CNNM2: variants seen among roughly 807,000 people sequenced by gnomAD.
The protein encoded by CNNM2 is metal transporter CNNM2.
In CNNM2, 12 loss-of-function variants were observed where a neutral mutation model predicts 66.9. The observed-to-expected ratio is 0.18, with a 90% CI of 0.11 to 0.29. CNNM2 has a LOEUF of 0.29. CNNM2 is among the 10% of genes least tolerant of loss of function. CNNM2 has a pLI of 1.00. For synonymous variants in CNNM2, 557 were observed against 501.8 expected, an observed-to-expected ratio of 1.11 and a Z score of -1.47; for missense variants, 705 against 1,167.7, an observed-to-expected ratio of 0.60 and a Z score of 5.77.
intron 1 of CNNM2, among the ~76,000 whole-genome samples, chr10:102,976,524 C>T (rs1279892902): frequency 7.2e-6 from 1 of 138,722 alleles, no homozygotes; most frequent in African/African-American, 2.7e-5. Context: ...CAGCTTACTG[C>T]AACCTCCGCC....
chr10:102,973,524 T>G (rs1209607647), intron 1 of CNNM2, among the ~76,000 whole-genome samples: 2 of 151,706 alleles, frequency 1.3e-5, no homozygotes, highest in African/African-American at 4.8e-5. Context: ...GTGTGTTTTT[T>G]TTTTTTTTGG....
At chr10:102,951,178 C>T (rs1454195662) in intron 1 of CNNM2, among the ~76,000 whole-genome samples, 1 of 151,484 alleles carries the variant, frequency 6.6e-6, no homozygotes, top group Non-Finnish European at 1.5e-5. Context: ...TTAGTAGAGA[C>T]AGAGTTTTAC....
rs779866075 is a variant in CNNM2 at position 102,918,467 on chromosome 10, G to A, written c.-14G>A. 1 of 1,601,754 alleles carries A rather than the reference G, an allele frequency of 6.2e-7. No homozygotes were observed. The highest frequency in any genetic ancestry group is 1.1e-5 in the South Asian group (1 of 89,282). On this transcript the variant is annotated 5_prime_UTR_variant, in exon 1 of 8. Coordinates refer to ENST00000369878, the MANE Select transcript of CNNM2 (RefSeq NM_017649.5). The surrounding 1 kb of genome is among the most constrained non-coding windows in gnomAD (Gnocchi z 4.1). ...GGGTTGAAAGGATGAAGCCGCAGCT[G>A]GAGCAGCCACCCTATGATTGGCTGT...
At chr10:102,945,879 A>C (rs967724713) in intron 1 of CNNM2, among the ~76,000 whole-genome samples, 1 of 151,026 alleles carries the variant, frequency 6.6e-6, no homozygotes, top group African/African-American at 2.4e-5. Flanking sequence ...AATTTTGTTT[A>C]GTTTGCCTTG....
At chr10:103,051,667 G>C (rs1457996531) in intron 2 of CNNM2, among the ~76,000 whole-genome samples, 1 of 151,912 alleles carries the variant, frequency 6.6e-6, no homozygotes, top group East Asian at 1.9e-4. Context: ...TTGAACCCAG[G>C]AGGTGGAGGT....
At chr10:103,009,332 C>A (rs984348990) in intron 1 of CNNM2, among the ~76,000 whole-genome samples, 2 of 151,966 alleles carry the variant, frequency 1.3e-5, no homozygotes, top group African/African-American at 4.8e-5. Context: ...AGAGAAATTT[C>A]TTGTTGGTTT....
chr10:102,978,077 CTT>C (rs1319462387), intron 1 of CNNM2, among the ~76,000 whole-genome samples: 2 of 151,770 alleles, frequency 1.3e-5, no homozygotes, highest in Non-Finnish European at 2.9e-5. Context: ...GCCTGGCTAA[CTT>C]TTTGTATTTT....
intron 1 of CNNM2, among the ~76,000 whole-genome samples, chr10:103,026,624 A>AAAT (rs1374935151): frequency 2.7e-5 from 4 of 147,306 alleles, no homozygotes; most frequent in African/African-American, 5.0e-5. Context: ...AAAAAAAAAA[A>AAAT]AGGTTTGGAA....
intron 1 of CNNM2, among the ~76,000 whole-genome samples, chr10:103,026,142 C>T (rs572797275): frequency 2.6e-4 from 39 of 152,336 alleles, no homozygotes; most frequent in Non-Finnish European, 4.7e-4. Flanking sequence ...TCCCAGCCTC[C>T]AAACTGTAAG....
Position 103,081,985 on chromosome 10 carries a change from T to A in CNNM2, c.*4805T>A, listed in dbSNP as rs2065762104. 1.3e-5 allele frequency: 2 copies of A among 152,212 alleles called. No individual in the cohort carries two copies. Among genetic ancestry groups the A allele is most frequent in the Admixed American group, 1.3e-4 (2 of 15,286 alleles). 9.4% of individuals were successfully genotyped at this position (152,212 alleles called of 1,614,324 possible). On this transcript the variant is annotated 3_prime_UTR_variant, in exon 8 of 8. Coordinates refer to ENST00000369878, the MANE Select transcript of CNNM2 (RefSeq NM_017649.5). ...CTGACATCATCTCTACTAGAATTGT[T>A]TTAAATATCTTTTGATGGGAAATAC... is the stretch of plus-strand genomic sequence containing the variant.
intron 1 of CNNM2, among the ~76,000 whole-genome samples, chr10:103,035,623 A>G (rs1000447259): frequency 6.6e-6 from 1 of 152,192 alleles, no homozygotes; most frequent in African/African-American, 2.4e-5. Context: ...AAGTCACATA[A>G]TGACTGGAAT....
chr10:103,034,761 T>C (rs1182154997), intron 1 of CNNM2, among the ~76,000 whole-genome samples: 1 of 152,054 alleles, frequency 6.6e-6, no homozygotes, highest in Non-Finnish European at 1.5e-5. Flanking sequence ...CTCCTACTGA[T>C]CGAGACCATC....
intron 1 of CNNM2, among the ~76,000 whole-genome samples, chr10:102,979,374 C>T (rs1424242509): frequency 2.6e-5 from 4 of 152,204 alleles, no homozygotes; most frequent in South Asian, 4.1e-4. Context: ...GCTAAGCACA[C>T]GTATCTTCAG....
intron 4 of CNNM2, among the ~76,000 whole-genome samples, chr10:103,060,666 A>G (rs1026143619): frequency 6.6e-6 from 1 of 152,280 alleles, no homozygotes; most frequent in Admixed American, 6.5e-5. Flanking sequence ...AACATAGTGT[A>G]TAATGTACTC....
At chr10:102,948,150 T>C (rs1007462451) in intron 1 of CNNM2, among the ~76,000 whole-genome samples, 1 of 152,246 alleles carries the variant, frequency 6.6e-6, no homozygotes, top group African/African-American at 2.4e-5. Flanking sequence ...ACTTCTTTCT[T>C]GAAACATACA....
At chr10:102,967,995 G>A (rs929439881) in intron 1 of CNNM2, among the ~76,000 whole-genome samples, 2 of 152,218 alleles carry the variant, frequency 1.3e-5, no homozygotes, top group African/African-American at 4.8e-5. Flanking sequence ...GCGACACAGT[G>A]AGACTCTGTC....
rs948524094 is a variant in CNNM2 at position 103,057,648 on chromosome 10, A to G, written c.2073+684A>G. On this transcript the variant is annotated intron_variant, in intron 4 of 7. Transcript: ENST00000369878. ...TGGTCCTTTTTCCATCCTTTTTTCC[A>G]TCCTTCATGAGGACTTAAGTTTATA... Among the ~76,000 whole-genome samples the G allele has an allele frequency of 3.0e-4, 45 of 152,198 alleles. 1 individual carries two copies. The highest frequency in any genetic ancestry group is 7.4e-5 in the Non-Finnish European group (5 of 68,004).
intron 1 of CNNM2, among the ~76,000 whole-genome samples, chr10:102,972,403 G>T (rs1169450254): frequency 6.6e-6 from 1 of 152,164 alleles, no homozygotes; most frequent in Admixed American, 6.5e-5. Context: ...TTGGGAGGCC[G>T]AGGCAGGCGA....
rs1488266832 is a variant in CNNM2 at position 102,918,312 on chromosome 10, C to A, written c.-169C>A. The A allele has an allele frequency of 1.7e-6, 2 of 1,199,532 alleles. No homozygotes were observed. The highest frequency in any genetic ancestry group is 1.6e-5 in the African/African-American group (1 of 62,242). 74.3% of individuals were successfully genotyped at this position (1,199,532 alleles called of 1,614,324 possible). On this transcript the variant is annotated 5_prime_UTR_variant, in exon 1 of 8. Transcript: ENST00000369878. This position sits in a 1 kb window ranked among gnomAD's most constrained non-coding sequence, Gnocchi z 4.1. ...CTCCTCTCCCTCCCTCTTTCCCTCC[C>A]GCGAGCCTCGGGGTTCCTCAGCTGG...
Sources: gnomAD v4.1 joint callset for allele counts (sites outside exome capture counted in the v4.1 genomes callset) on GRCh38, gnomAD v4.1.1 for gene constraint, Gnocchi (gnomAD v3.1) non-coding constraint, MANE v1.5 for transcripts, NCBI Gene and HGNC (gene_info 2026-07-23, HGNC 2026-07-21) for gene names.